KIF26B: variants seen among roughly 807,000 people sequenced by gnomAD.
KIF26B encodes kinesin-like protein KIF26B.
A neutral mutation model predicts 151.2 loss-of-function variants in KIF26B; 63 were observed. That is an observed-to-expected ratio of 0.42 (90% CI 0.34 to 0.51). The LOEUF is 0.51. Among genes scored for constraint, KIF26B ranks in the 20% least tolerant of loss-of-function variants. The pLI is 0.07. For synonymous variants in KIF26B, 1,357 were observed against 1,262.1 expected, an observed-to-expected ratio of 1.08 and a Z score of -1.59; for missense variants, 2,813 against 2,913.6, an observed-to-expected ratio of 0.97 and a Z score of 0.79.
At chr1:245,215,631 C>T (rs1403941933) in intron 2 of KIF26B, among the ~76,000 whole-genome samples, 2 of 152,120 alleles carry the variant, frequency 1.3e-5, no homozygotes, top group East Asian at 1.9e-4. Context: ...ATGCTGGGCT[C>T]GGGGTGTGGA....
intron 2 of KIF26B, among the ~76,000 whole-genome samples, chr1:245,168,622 G>A (rs1668653902): frequency 6.6e-6 from 1 of 152,180 alleles, no homozygotes; most frequent in Non-Finnish European, 1.5e-5. Flanking sequence ...TAGCAGTATA[G>A]GAACACCAGA....
intron 5 of KIF26B, among the ~76,000 whole-genome samples, chr1:245,556,356 C>CTCCTCCTTCTTCTTCT (rs1186692302): frequency 3.6e-5 from 5 of 137,792 alleles, no homozygotes; most frequent in Non-Finnish European, 7.5e-5. Context: ...CCTCCTCCTC[C>CTCCTCCTTCTTCTTCT]TCCTCCTTCT....
chr1:245,193,964 G>A (rs144408749), intron 2 of KIF26B, among the ~76,000 whole-genome samples: 15 of 152,284 alleles, frequency 9.9e-5, no homozygotes, highest in African/African-American at 2.9e-4. Context: ...TGACATGGAC[G>A]CCAGAAAGTT....
intron 2 of KIF26B, among the ~76,000 whole-genome samples, chr1:245,339,047 G>A (rs570988921): frequency 2.0e-5 from 3 of 150,300 alleles, no homozygotes; most frequent in South Asian, 2.1e-4. Context: ...GTGCTATCTC[G>A]GCTCACTGCC....
At chr1:245,158,938 C>T (rs972301777) in intron 2 of KIF26B, among the ~76,000 whole-genome samples, 13 of 151,936 alleles carry the variant, frequency 8.6e-5, no homozygotes, top group South Asian at 2.1e-4. Flanking sequence ...GCATTTGCAA[C>T]CTTATAGCCA....
rs1309855719 is a variant in KIF26B at position 245,686,580 on chromosome 1, C to T, written c.3597C>T (p.Ser1199=). Residue 1199 remains serine, a synonymous_variant, in exon 12 of 15, where the codon AGC becomes AGT. Coordinates refer to ENST00000407071, the MANE Select transcript of KIF26B (RefSeq NM_018012.4). The surrounding 1 kb of genome is among the most constrained non-coding windows in gnomAD (Gnocchi z 5.6). ...VFTLVEELTI[S]GVLDSGRPTS... is the part of the protein sequence containing the mutation. ...CGCTGGTGGAGGAGCTGACCATCAGCGGGGTCCTGGACAGCGGCCGCCCCA... is the reference window on the plus strand; with the variant it reads ...CGCTGGTGGAGGAGCTGACCATCAGTGGGGTCCTGGACAGCGGCCGCCCCA... 7 of 1,612,340 alleles carry T rather than the reference C, an allele frequency of 4.3e-6. No homozygotes were observed. The highest frequency in any genetic ancestry group is 2.2e-5 in the East Asian group (1 of 44,854).
chr1:245,478,816 C>T (rs899145443), intron 4 of KIF26B, among the ~76,000 whole-genome samples: 7 of 151,598 alleles, frequency 4.6e-5, no homozygotes, highest in African/African-American at 1.2e-4. Context: ...GTGATGGCAG[C>T]GACGTGGGTG....
intron 2 of KIF26B, among the ~76,000 whole-genome samples, chr1:245,181,195 G>A (rs1308594730): frequency 3.3e-5 from 5 of 151,486 alleles, no homozygotes; most frequent in Non-Finnish European, 5.9e-5. Flanking sequence ...TCTTTACCCC[G>A]ATTTCCCCCC....
At chr1:245,322,950 A>G (rs899256683) in intron 2 of KIF26B, among the ~76,000 whole-genome samples, 2 of 152,140 alleles carry the variant, frequency 1.3e-5, no homozygotes, top group African/African-American at 2.4e-5. Context: ...CGTTTCTCCA[A>G]TTTGCTCCCA....
rs1385093111 is a variant in KIF26B, at chr1:245,708,818, T to C, written c.*6212T>C. ...GGATCTCTAATTCCATGATTAGTAA[T>C]GTATGTATGTGTATATAAATATGCT... is the stretch of plus-strand genomic sequence containing the variant. On this transcript the variant is annotated 3_prime_UTR_variant, in exon 15 of 15. Coordinates refer to ENST00000407071, the MANE Select transcript of KIF26B (RefSeq NM_018012.4). 2 of 152,196 alleles carry C rather than the reference T, an allele frequency of 1.3e-5. No homozygotes were observed. Among genetic ancestry groups the C allele is most frequent in the African/African-American group, 2.4e-5 (1 of 41,440 alleles). The allele number at this position is 152,196 out of a possible 1,614,324, so 9.4% of individuals were successfully genotyped here. A position where few individuals can be genotyped will look rare whatever the true frequency, so the allele number is the denominator to read the frequency against.
At chr1:245,625,545 A>G (rs1291641292) in intron 9 of KIF26B, among the ~76,000 whole-genome samples, 1 of 152,162 alleles carries the variant, frequency 6.6e-6, no homozygotes, top group Non-Finnish European at 1.5e-5. Flanking sequence ...TGATATTTTG[A>G]TGCACGCATA....
chr1:245,679,428 TG>T (rs369201084), intron 10 of KIF26B, among the ~76,000 whole-genome samples: 1 of 150,332 alleles, frequency 6.7e-6, no homozygotes, highest in East Asian at 1.9e-4. Flanking sequence ...TCTAAAAATC[TG>T]GGGGTTTTTT....
chr1:245,421,175 G>C (rs1343072326), intron 4 of KIF26B, among the ~76,000 whole-genome samples: 1 of 152,132 alleles, frequency 6.6e-6, no homozygotes, highest in African/African-American at 2.4e-5. Flanking sequence ...ATGCCATTTA[G>C]GGAGAGAATA....
intron 4 of KIF26B, among the ~76,000 whole-genome samples, chr1:245,420,377 AAAGGACTTCAGGG>A (rs1658456578): frequency 6.6e-6 from 1 of 152,248 alleles, no homozygotes; most frequent in Non-Finnish European, 1.5e-5. Flanking sequence ...GCTGAGCAGG[AAAGGACTTCAGGG>A]ATTGTCTGGT....
At chr1:245,361,598 G>A (rs547710197) in intron 2 of KIF26B, among the ~76,000 whole-genome samples, 1 of 152,302 alleles carries the variant, frequency 6.6e-6, no homozygotes, top group East Asian at 1.9e-4. Flanking sequence ...AGGACAGAAG[G>A]AAGTTTCTAC....
At position 245,303,233 on chromosome 1, in the gene KIF26B, T is replaced by C. The variant is rs372225469; in HGVS notation, c.466-63601T>C. Among the ~76,000 whole-genome samples the C allele has an allele frequency of 6.1e-3, 888 of 144,930 alleles. 15 individuals carry two copies. Among genetic ancestry groups the C allele is most frequent in the East Asian group, 0.046 (215 of 4,642 alleles). On this transcript the variant is annotated intron_variant, in intron 2 of 14. Transcript: ENST00000407071. ...TTTTTTTTTGCGACGGAGTCTCGCTTTGTCGCCCAGGCCGGAGTGCAGTGG... is the reference window on the plus strand; with the variant it reads ...TTTTTTTTTGCGACGGAGTCTCGCTCTGTCGCCCAGGCCGGAGTGCAGTGG...
At chr1:245,425,416 GT>G (rs1047901440) in intron 4 of KIF26B, among the ~76,000 whole-genome samples, 3 of 151,738 alleles carry the variant, frequency 2.0e-5, no homozygotes, top group African/African-American at 4.8e-5. Flanking sequence ...TTTTGTTTTT[GT>G]TTTTTTTGAG....
At chr1:245,336,157 A>G (rs923132926) in intron 2 of KIF26B, among the ~76,000 whole-genome samples, 2 of 150,946 alleles carry the variant, frequency 1.3e-5, no homozygotes, top group African/African-American at 2.4e-5. Flanking sequence ...CATGCAGGGA[A>G]AGAAGGTCCC....
At chr1:245,177,276 C>G (rs1330528831) in intron 2 of KIF26B, among the ~76,000 whole-genome samples, 1 of 152,172 alleles carries the variant, frequency 6.6e-6, no homozygotes, top group Non-Finnish European at 1.5e-5. Context: ...CTGTCCCATT[C>G]CCCCTGCCTT....
Sources: allele counts gnomAD v4.1 joint callset (sites outside exome capture counted in the v4.1 genomes callset), GRCh38; gene constraint gnomAD v4.1.1; non-coding constraint Gnocchi (gnomAD v3.1); transcripts MANE v1.5; gene names NCBI Gene and HGNC (gene_info 2026-07-23, HGNC 2026-07-21).